Variants in DCDC1 observed in about 807,000 individuals in gnomAD.
DCDC1 encodes the protein doublecortin domain-containing protein 1.
A neutral mutation model predicts 178.3 loss-of-function variants in DCDC1; 200 were observed. That is an observed-to-expected ratio of 1.12 (90% confidence interval 1.00 to 1.26). The LOEUF (loss-of-function observed/expected upper bound fraction) is 1.26, where lower values mean the gene tolerates loss of function less well. Among genes scored for constraint, DCDC1 ranks in the 50% most tolerant of loss-of-function variants. The pLI is 0.00. For missense variants in DCDC1, 1,983 were observed against 1,749.2 expected (o/e 1.13, Z -2.38); for synonymous variants, 690 against 604.8 (o/e 1.14, Z -2.07).
intron 15 of DCDC1, among the ~76,000 whole-genome samples, chr11:31,096,421 TGAAATTAGTCA>T (rs1958155510): frequency 6.6e-6 from 1 of 152,216 alleles, no homozygotes; most frequent in Non-Finnish European, 1.5e-5. Flanking sequence ...TTGTTTTGAC[TGAAATTAGTCA>T]GACAGAAGAA....
At chr11:31,314,917 C>A (rs1206170373) in intron 3 of DCDC1, among the ~76,000 whole-genome samples, 4 of 152,070 alleles carry the variant, frequency 2.6e-5, no homozygotes. Context: ...TTCAGGGTAG[C>A]ATTTAATTAT....
intron 20 of DCDC1, among the ~76,000 whole-genome samples, chr11:30,971,018 C>T (rs541207087): frequency 1.7e-4 from 26 of 152,010 alleles, no homozygotes; most frequent in African/African-American, 6.3e-4. Flanking sequence ...CTGGTGCGCC[C>T]ACACACACAC....
chr11:31,036,985 A>G (rs1019480734), intron 20 of DCDC1, among the ~76,000 whole-genome samples: 2 of 152,214 alleles, frequency 1.3e-5, no homozygotes, highest in Non-Finnish European at 2.9e-5. Context: ...GGTAAGTAAC[A>G]TGCCCAAGGT....
intron 20 of DCDC1, among the ~76,000 whole-genome samples, chr11:30,961,703 T>C (rs540853918): frequency 2.0e-5 from 3 of 151,494 alleles, no homozygotes; most frequent in African/African-American, 7.3e-5. Flanking sequence ...TTAATTTTGA[T>C]AGGATTCAGT....
At chr11:30,930,972 A>G (rs1946889155) in intron 22 of DCDC1, among the ~76,000 whole-genome samples, 1 of 152,124 alleles carries the variant, frequency 6.6e-6, no homozygotes. Flanking sequence ...CTCATTGTTC[A>G]GCGATGTATG....
chr11:31,129,189 C>G (rs1382167597), intron 10 of DCDC1, among the ~76,000 whole-genome samples: 1 of 152,062 alleles, frequency 6.6e-6, no homozygotes, highest in Non-Finnish European at 1.5e-5. Flanking sequence ...ATTATCTACT[C>G]TACTTATTTA....
At chr11:30,995,014 T>C (rs1265461737) in intron 20 of DCDC1, among the ~76,000 whole-genome samples, 1 of 151,736 alleles carries the variant, frequency 6.6e-6, no homozygotes, top group Non-Finnish European at 1.5e-5. Flanking sequence ...GACAATATGA[T>C]TATCTTTAAA....
At chr11:31,236,153 G>C (rs139190149) in intron 9 of DCDC1, among the ~76,000 whole-genome samples, 1,828 of 150,014 alleles carry the variant, frequency 0.012, 17 homozygotes, top group Non-Finnish European at 0.017. Flanking sequence ...GATAAATGAT[G>C]GAAAATAAAC....
chr11:31,270,506 T>C (rs1371885122), intron 7 of DCDC1, among the ~76,000 whole-genome samples: 1 of 152,198 alleles, frequency 6.6e-6, no homozygotes, highest in Non-Finnish European at 1.5e-5. Flanking sequence ...AACTCCTTTA[T>C]TCATTTCTAA....
chr11:30,865,230 G>A lies in DCDC1; in HGVS notation c.*143C>T, dbSNP rs1394255184. 1 of 152,130 alleles carries A rather than the reference G, an allele frequency of 6.6e-6. No homozygotes were observed. Among genetic ancestry groups the A allele is most frequent in the Non-Finnish European group, 1.5e-5 (1 of 68,040 alleles). 9.4% of individuals were successfully genotyped at this position (152,130 alleles called of 1,614,324 possible). On this transcript the variant is annotated 3_prime_UTR_variant, in exon 39 of 39. Transcript: ENST00000684477. ...TTTTTTTAATAAACTATGCAGGATT[G>A]TTATTTAGAAGATTTGCCAAATTTA... is the stretch of plus-strand genomic sequence containing the variant.
intron 11 of DCDC1, among the ~76,000 whole-genome samples, chr11:31,117,844 C>T (rs934311547): frequency 6.6e-6 from 1 of 152,024 alleles, no homozygotes; most frequent in Non-Finnish European, 1.5e-5. Context: ...TTTCAAAAAG[C>T]CCTTTATAAA....
chr11:31,050,503 C>T (rs1565222202), intron 20 of DCDC1, among the ~76,000 whole-genome samples: 2 of 152,210 alleles, frequency 1.3e-5, no homozygotes. Context: ...ATTACTACAG[C>T]TGATGCTTCC....
At chr11:31,034,561 T>TA (rs1337827395) in intron 20 of DCDC1, among the ~76,000 whole-genome samples, 1 of 152,208 alleles carries the variant, frequency 6.6e-6, no homozygotes, top group Non-Finnish European at 1.5e-5. Context: ...CATGTGTAGA[T>TA]ACACAAATAC....
chr11:31,258,159 T>C (rs1359434120), intron 8 of DCDC1, among the ~76,000 whole-genome samples: 2 of 152,172 alleles, frequency 1.3e-5, no homozygotes, highest in Admixed American at 6.5e-5. Context: ...AAAGACAAGA[T>C]TAATTACATT....
chr11:30,876,010 C>T lies in DCDC1; in HGVS notation c.*40+2534G>A, dbSNP rs530954448. ...TTTACCCTAACACTTAATCAGATTACGAAAGCTAGAGCGATGGGCAGAAAA... is the reference window on the plus strand; with the variant it reads ...TTTACCCTAACACTTAATCAGATTATGAAAGCTAGAGCGATGGGCAGAAAA... On this transcript the variant is annotated intron_variant, in intron 38 of 38. Transcript: ENST00000684477. 1.6e-4 allele frequency among the ~76,000 whole-genome samples: 25 copies of T among 152,206 alleles called. No individual in the cohort carries two copies. In the East Asian group the frequency reaches 2.9e-3, roughly 18 times the overall value.
At chr11:31,228,952 C>T (rs1280218823) in intron 9 of DCDC1, among the ~76,000 whole-genome samples, 2 of 151,964 alleles carry the variant, frequency 1.3e-5, no homozygotes, top group African/African-American at 4.8e-5. Flanking sequence ...GTAGTATGCT[C>T]ACTACCTGGG....
intron 9 of DCDC1, among the ~76,000 whole-genome samples, chr11:31,149,819 T>G (rs1004210143): frequency 6.6e-6 from 1 of 152,086 alleles, no homozygotes; most frequent in African/African-American, 2.4e-5. Flanking sequence ...CAGACACCTC[T>G]GAACATCTGA....
chr11:31,295,155 T>G (rs962128490), intron 6 of DCDC1, among the ~76,000 whole-genome samples: 10 of 152,242 alleles, frequency 6.6e-5, no homozygotes, highest in Admixed American at 4.6e-4. Context: ...GTACTTTAAA[T>G]CATCTCTAGA....
chr11:31,300,168 A>G (rs1247344382), intron 6 of DCDC1, among the ~76,000 whole-genome samples: 1 of 152,092 alleles, frequency 6.6e-6, no homozygotes, highest in East Asian at 1.9e-4. Flanking sequence ...GGTGTAAACT[A>G]TTATGCTCAA....
Sources: gnomAD v4.1 joint callset for allele counts (sites outside exome capture counted in the v4.1 genomes callset) on GRCh38, gnomAD v4.1.1 for gene constraint, MANE v1.5 for transcripts, NCBI Gene and HGNC (gene_info 2026-07-23, HGNC 2026-07-21) for gene names.